Variants in TTC17 observed in about 807,000 individuals in gnomAD.
TTC17 encodes tetratricopeptide repeat protein 17.
Under a neutral mutation model 143.8 loss-of-function variants are expected in TTC17, and 58 were observed. The observed-to-expected ratio is 0.40, with a 90% CI of 0.33 to 0.50. The LOEUF (loss-of-function observed/expected upper bound fraction) is 0.50. TTC17 is among the 20% of genes least tolerant of loss of function. TTC17 has a pLI of 0.49. For missense variants in TTC17, 1,273 were observed against 1,392.5 expected, an observed-to-expected ratio of 0.91 and a Z score of 1.37; for synonymous variants, 501 against 497.8, an observed-to-expected ratio of 1.01 and a Z score of -0.09.
intron 21 of TTC17, among the ~76,000 whole-genome samples, chr11:43,456,303 T>A (rs1379322080): frequency 6.6e-6 from 1 of 152,094 alleles, no homozygotes; most frequent in Non-Finnish European, 1.5e-5. Flanking sequence ...CCACTCTATC[T>A]ACTACTACTC....
In TTC17 at chr11:43,445,739, A is replaced by G. The variant is rs113481787; in HGVS notation, c.2665+1530A>G. Among the ~76,000 whole-genome samples, 1,137 of 152,328 alleles carry G rather than the reference A, an allele frequency of 7.5e-3. 3 individuals carry two copies. Among genetic ancestry groups the G allele is most frequent in the Non-Finnish European group, 0.012 (789 of 68,012 alleles). ...AATACTAGAGAGATTCAAAAACCCA[A>G]TTTTCAAATTAGTATGGATTCTATT... On this transcript the variant is annotated intron_variant, in intron 18 of 23. Transcript: ENST00000039989.
At position 43,486,293 on chromosome 11, in the gene TTC17, A is replaced by C. The variant is rs544186178; in HGVS notation, c.3031-3946A>C. 98 of 271,570 alleles carry C rather than the reference A, an allele frequency of 3.6e-4. 1 individual carries two copies. The highest frequency in any genetic ancestry group is 1.8e-3 in the African/African-American group (84 of 46,356). The allele number at this position is 271,570 out of a possible 1,614,324, so 16.8% of individuals were successfully genotyped here. A position where few individuals can be genotyped will look rare whatever the true frequency, so the allele number is the denominator to read the frequency against. Reference sequence around the variant, plus strand: ...TCCACCATTCTGAGTAGCATGATGAAACCACCTGCTGTTGGGCTCAGTCCA... The same window carrying C: ...TCCACCATTCTGAGTAGCATGATGACACCACCTGCTGTTGGGCTCAGTCCA... On this transcript the variant is annotated intron_variant, in intron 21 of 23. Transcript: ENST00000039989.
chr11:43,422,862 A>G (rs1314905481), intron 16 of TTC17, among the ~76,000 whole-genome samples: 4 of 152,176 alleles, frequency 2.6e-5, no homozygotes, highest in Non-Finnish European at 5.9e-5. Flanking sequence ...AAAATGGGAT[A>G]TAGCTGGAGG....
intron 21 of TTC17, among the ~76,000 whole-genome samples, chr11:43,469,129 A>G (rs1438581990): frequency 1.3e-5 from 2 of 152,220 alleles, no homozygotes; most frequent in African/African-American, 2.4e-5. Context: ...TACCCAGTGT[A>G]TTAGTCATCT....
chr11:43,369,791 A>G (rs1272159748), intron 1 of TTC17, among the ~76,000 whole-genome samples: 1 of 151,814 alleles, frequency 6.6e-6, no homozygotes, highest in Non-Finnish European at 1.5e-5. Context: ...TAATTGTTGT[A>G]TTTTTAGTAG....
intron 21 of TTC17, among the ~76,000 whole-genome samples, chr11:43,480,863 A>T (rs554002431): frequency 1.3e-5 from 2 of 151,406 alleles, no homozygotes; most frequent in African/African-American, 4.8e-5. Context: ...AGGATGAGCC[A>T]AAAAAAATCA....
chr11:43,430,709 G>GCACGCACGCA (rs1554994151), intron 16 of TTC17, among the ~76,000 whole-genome samples: 4 of 138,448 alleles, frequency 2.9e-5, no homozygotes, highest in African/African-American at 1.1e-4. Flanking sequence ...CTACATACAC[G>GCACGCACGCA]CACACACACA....
intron 4 of TTC17, 64 bp from the exon 5 acceptor site, chr11:43,391,757 A>T: frequency 1.3e-6 from 2 of 1,568,734 alleles, no homozygotes; most frequent in Non-Finnish European, 1.7e-6. Context: ...ACTACAAGAT[A>T]CTGAATTATT....
chr11:43,369,362 C>T (rs1037037799), intron 1 of TTC17, among the ~76,000 whole-genome samples: 1 of 152,146 alleles, frequency 6.6e-6, no homozygotes, highest in African/African-American at 2.4e-5. Flanking sequence ...CTGTGCAATA[C>T]GTGTCCCTTA....
chr11:43,408,949 C>G (rs1858273779), intron 15 of TTC17, among the ~76,000 whole-genome samples: 1 of 151,914 alleles, frequency 6.6e-6, no homozygotes, highest in Non-Finnish European at 1.5e-5. Context: ...CACCATGTTG[C>G]CAAGGCTGGT....
chr11:43,493,916 C>A lies in TTC17; in HGVS notation c.*12C>A. 6.4e-7 allele frequency: 1 copy of A among 1,569,444 alleles called. No homozygotes were observed. Among genetic ancestry groups the A allele is most frequent in the Non-Finnish European group, 8.7e-7 (1 of 1,155,494 alleles). On this transcript the variant is annotated 3_prime_UTR_variant, in exon 24 of 24. Coordinates refer to ENST00000039989, the MANE Select transcript of TTC17 (RefSeq NM_018259.6). ...GGCGCTCTCCTTAGTGCACTTCTTC[C>A]TTCTCTCTTTCTCTTTACTCATGCT... is the stretch of plus-strand genomic sequence containing the variant.
At chr11:43,372,948 A>C (rs1053300846) in intron 1 of TTC17, among the ~76,000 whole-genome samples, 13 of 152,312 alleles carry the variant, frequency 8.5e-5, no homozygotes, top group African/African-American at 2.4e-4. Context: ...TGTACAGAGG[A>C]ATAGAGAGAG....
intron 11 of TTC17, among the ~76,000 whole-genome samples, chr11:43,404,391 A>G (rs944074984): frequency 6.6e-6 from 1 of 152,200 alleles, no homozygotes; most frequent in Non-Finnish European, 1.5e-5. Context: ...TCAAAGCTTT[A>G]TCCTCTGAGT....
At chr11:43,417,295 A>C (rs1946799833) in intron 16 of TTC17, among the ~76,000 whole-genome samples, 1 of 152,218 alleles carries the variant, frequency 6.6e-6, no homozygotes, top group African/African-American at 2.4e-5. Flanking sequence ...TGATTAAAAA[A>C]AAAGGAAAAA....
At chr11:43,398,149 A>G (rs2134557363) in intron 8 of TTC17, 36 bp downstream of exon 8, 1 of 1,610,892 alleles carries the variant, frequency 6.2e-7, no homozygotes, top group East Asian at 2.2e-5. Context: ...AAGCATTAGC[A>G]CTATCGAACC....
chr11:43,404,189 G>T, intron 11 of TTC17, 45 bp downstream of exon 11: 1 of 1,573,840 alleles, frequency 6.4e-7, no homozygotes, highest in Non-Finnish European at 8.6e-7. Flanking sequence ...AAACTGGCAA[G>T]ATCCATTAAA....
chr11:43,454,316 G>A (rs1032098199), intron 21 of TTC17, among the ~76,000 whole-genome samples: 1 of 151,996 alleles, frequency 6.6e-6, no homozygotes, highest in Non-Finnish European at 1.5e-5. Context: ...TGAAGGAAGG[G>A]AGAGTAATGG....
chr11:43,445,751 G>A (rs138544761), intron 18 of TTC17, among the ~76,000 whole-genome samples: 133 of 152,322 alleles, frequency 8.7e-4, no homozygotes, highest in African/African-American at 2.9e-3. Flanking sequence ...TTTCAAATTA[G>A]TATGGATTCT....
At chr11:43,380,075 A>C (rs1856908794) in intron 2 of TTC17, among the ~76,000 whole-genome samples, 1 of 152,206 alleles carries the variant, frequency 6.6e-6, no homozygotes, top group Admixed American at 6.5e-5. Flanking sequence ...AAAGTAATAA[A>C]AGTAGAATCA....
Sources: gnomAD v4.1 joint callset for allele counts (sites outside exome capture counted in the v4.1 genomes callset) on GRCh38, gnomAD v4.1.1 for gene constraint, MANE v1.5 for transcripts, NCBI Gene and HGNC (gene_info 2026-07-23, HGNC 2026-07-21) for gene names.